Variants in ZNF521 observed in about 807,000 individuals in gnomAD.
ZNF521 encodes zinc finger protein 521, also known as LYST-interacting protein 3.
ZNF521 carries 14 observed loss-of-function variants against 105.5 expected under a neutral mutation model. The ratio of observed to expected loss-of-function variants is 0.13; its 90% CI spans 0.09 to 0.21. ZNF521 has a LOEUF of 0.21. Ranked by LOEUF, ZNF521 falls within the 10% of genes least tolerant of loss-of-function variation. The pLI, the probability that ZNF521 is intolerant of heterozygous loss-of-function variation, is 1.00. For missense variants in ZNF521, 1,233 were observed against 1,629.7 expected (o/e 0.76, Z 4.19); for synonymous variants, 635 against 606.0 (o/e 1.05, Z -0.70).
In ZNF521 at chr18:25,226,470, G is replaced by C; in HGVS notation, c.1448C>G (p.Ser483Cys). 6.2e-7 allele frequency: 1 copy of C among 1,614,184 alleles called. No individual in the cohort carries two copies. The highest frequency in any genetic ancestry group is 8.5e-7 in the Non-Finnish European group (1 of 1,180,024). Residue 483 changes from serine to cysteine, a missense_variant, in exon 4 of 8, where the codon TCC becomes TGC. By Grantham distance (112) the Ser-to-Cys change is moderately radical. Around this residue, in one of 6 missense-constraint regions of ZNF521, gnomAD observed 380 missense variants for 478.0 expected, o/e 0.80. Coordinates refer to ENST00000361524, the MANE Select transcript of ZNF521 (RefSeq NM_015461.3). This position sits in a 1 kb window ranked among gnomAD's most constrained non-coding sequence, Gnocchi z 4.1. ...PAIVYQCNFC[S>C]EVVNDLNTLQ... ...AGTGTTGAGGTCGTTGACAACTTCG[G>C]AACAGAAGTTACACTGGTAGACAAT...
At chr18:25,243,741 AGTGGGCACTAAGT>A (rs1197644226) in intron 3 of ZNF521, among the ~76,000 whole-genome samples, 1 of 152,212 alleles carries the variant, frequency 6.6e-6, no homozygotes, top group African/African-American at 2.4e-5. Context: ...GGCACATCCA[AGTGGGCACTAAGT>A]GTCTTGTTTT....
At chr18:25,306,006 A>C (rs1394285649) in intron 3 of ZNF521, among the ~76,000 whole-genome samples, 1 of 152,244 alleles carries the variant, frequency 6.6e-6, no homozygotes, top group Admixed American at 6.5e-5. Flanking sequence ...ACATTTAAGT[A>C]ATCTGTCTAA....
intron 5 of ZNF521, among the ~76,000 whole-genome samples, chr18:25,146,684 C>T (rs1453575441): frequency 6.6e-6 from 1 of 151,960 alleles, no homozygotes; most frequent in Non-Finnish European, 1.5e-5. Flanking sequence ...TATGCCATAT[C>T]ATTGTTTAGT....
In ZNF521 at chr18:25,219,254, C is replaced by T. The variant is rs536225938; in HGVS notation, c.3573+5091G>A. On this transcript the variant is annotated intron_variant, in intron 4 of 7. Coordinates refer to ENST00000361524, the MANE Select transcript of ZNF521 (RefSeq NM_015461.3). ...TTTTGACCGAGTGAGGGGTCAGTGCCTCTATCTCCTGGAATGTTCAAGAGT... is the reference window on the plus strand; with the variant it reads ...TTTTGACCGAGTGAGGGGTCAGTGCTTCTATCTCCTGGAATGTTCAAGAGT... 3.9e-5 allele frequency among the ~76,000 whole-genome samples: 6 copies of T among 152,242 alleles called. No homozygotes were observed. In the South Asian group the frequency reaches 1.2e-3, roughly 32 times the overall value.
At chr18:25,113,810 G>T (rs187302073) in intron 5 of ZNF521, among the ~76,000 whole-genome samples, 1 of 68,660 alleles carries the variant, frequency 1.5e-5, no homozygotes, top group South Asian at 6.7e-4. Flanking sequence ...GGGGGAGAGA[G>T]CAGGGCCTTA....
intron 3 of ZNF521, chr18:25,302,823 G>T (rs551272227): frequency 6.6e-6 from 1 of 152,262 alleles, no homozygotes; most frequent in South Asian, 2.1e-4. Flanking sequence ...AGAGAAAAAG[G>T]TCTGCCCATA....
chr18:25,104,957 G>A (rs966234807), intron 5 of ZNF521, among the ~76,000 whole-genome samples: 3 of 152,110 alleles, frequency 2.0e-5, no homozygotes, highest in African/African-American at 4.8e-5. Flanking sequence ...TCTCTGGGAC[G>A]GGAAGAGATG....
intron 3 of ZNF521, among the ~76,000 whole-genome samples, chr18:25,261,865 A>AC (rs1427731394): frequency 6.6e-6 from 1 of 151,730 alleles, no homozygotes; most frequent in African/African-American, 2.4e-5. Context: ...CTTATTACCC[A>AC]CCCCCTGCTG....
At chr18:25,091,388 C>T (rs1470148176) in intron 6 of ZNF521, among the ~76,000 whole-genome samples, 1 of 151,786 alleles carries the variant, frequency 6.6e-6, no homozygotes, top group Non-Finnish European at 1.5e-5. Flanking sequence ...AAAATTTCTT[C>T]TTAAAAGTAT....
At chr18:25,326,252 C>T (rs1328630636) in intron 2 of ZNF521, among the ~76,000 whole-genome samples, 1 of 152,152 alleles carries the variant, frequency 6.6e-6, no homozygotes, top group Non-Finnish European at 1.5e-5. Context: ...GGATCCCATG[C>T]CTGATCAAAG....
In ZNF521 at chr18:25,259,568, A is replaced by T. The variant is rs373354509; in HGVS notation, c.221-31871T>A. The stretch of plus-strand genomic sequence containing the variant: ...AAGAAGAGAGCTGAAGGGAGTAGAG[A>T]GGAAAACAAAAACAGCAACAGGAGG... On this transcript the variant is annotated intron_variant, in intron 3 of 7. Coordinates refer to ENST00000361524, the MANE Select transcript of ZNF521 (RefSeq NM_015461.3). Among the ~76,000 whole-genome samples the T allele has an allele frequency of 7.4e-3, 1,126 of 152,208 alleles. 8 individuals are homozygous for T. The highest frequency in any genetic ancestry group is 0.01 in the Non-Finnish European group (713 of 68,008).
intron 5 of ZNF521, among the ~76,000 whole-genome samples, chr18:25,154,652 T>C (rs140360846): frequency 1.3e-5 from 2 of 152,258 alleles, no homozygotes; most frequent in Non-Finnish European, 2.9e-5. Flanking sequence ...AATCTACCTG[T>C]AAATAACTCA....
intron 5 of ZNF521, among the ~76,000 whole-genome samples, chr18:25,164,728 C>T: frequency 6.6e-6 from 1 of 152,190 alleles, no homozygotes; most frequent in Non-Finnish European, 1.5e-5. Context: ...CAGGAGATCA[C>T]ACTGCTGCCC....
intron 5 of ZNF521, among the ~76,000 whole-genome samples, chr18:25,169,647 C>T (rs2035412084): frequency 1.3e-5 from 2 of 152,068 alleles, no homozygotes; most frequent in Admixed American, 1.3e-4. Context: ...ATCGGTATCT[C>T]TTATATTTTA....
chr18:25,168,616 T>C (rs949642755), intron 5 of ZNF521, among the ~76,000 whole-genome samples: 2 of 152,174 alleles, frequency 1.3e-5, no homozygotes, highest in Admixed American at 6.5e-5. Context: ...ATCTATACAA[T>C]TATCTCCACA....
chr18:25,288,572 TA>T (rs151130883), intron 3 of ZNF521, among the ~76,000 whole-genome samples: 26,330 of 106,630 alleles, frequency 0.25, 2,684 homozygotes, highest in African/African-American at 0.36. Flanking sequence ...TTATAACACT[TA>T]AAAAAAAAAA....
rs79150513 is a variant in ZNF521 at position 25,212,053 on chromosome 18, T to C, written c.3573+12292A>G. Among the ~76,000 whole-genome samples the C allele has an allele frequency of 5.9e-3, 901 of 152,306 alleles. 9 individuals carry two copies. The highest frequency in any genetic ancestry group is 0.02 in the African/African-American group (839 of 41,570). On this transcript the variant is annotated intron_variant, in intron 4 of 7. Transcript: ENST00000361524. ...TGTGGTTCTGTGGACTAACACTGCATAATCCTAATCACTGCAGATTTATTA... is the reference window on the plus strand; with the variant it reads ...TGTGGTTCTGTGGACTAACACTGCACAATCCTAATCACTGCAGATTTATTA...
At chr18:25,269,369 TAGAC>T (rs1175002241) in intron 3 of ZNF521, among the ~76,000 whole-genome samples, 1 of 152,158 alleles carries the variant, frequency 6.6e-6, no homozygotes, top group East Asian at 1.9e-4. Context: ...CTGTCAATAT[TAGAC>T]AGATCAACGC....
intron 5 of ZNF521, among the ~76,000 whole-genome samples, chr18:25,171,086 T>C (rs1368132446): frequency 2.0e-5 from 3 of 152,160 alleles, no homozygotes; most frequent in Non-Finnish European, 2.9e-5. Context: ...ACAGAATTCA[T>C]ATGTAGACTG....
Sources: gnomAD v4.1 joint callset for allele counts (sites outside exome capture counted in the v4.1 genomes callset) on GRCh38, gnomAD v4.1.1 for gene constraint, gnomAD v4.1.1 regional missense constraint, Gnocchi (gnomAD v3.1) non-coding constraint, MANE v1.5 for transcripts, NCBI Gene and HGNC (gene_info 2026-07-23, HGNC 2026-07-21) for gene names.